The following TWNK variants were observed in gnomAD, a reference collection of about 807,000 sequenced individuals.
The protein encoded by TWNK is twinkle mtDNA helicase.
Under a neutral mutation model 58.2 loss-of-function variants are expected in TWNK, and 36 were observed. The ratio of observed to expected loss-of-function variants is 0.62; its 90% confidence interval spans 0.47 to 0.82. The LOEUF is 0.82. TWNK is among the 40% of genes least tolerant of loss of function. The pLI is 0.00. For missense variants in TWNK, 714 were observed against 881.0 expected, an observed-to-expected ratio of 0.81 and a Z score of 2.40; for synonymous variants, 349 against 348.5, an observed-to-expected ratio of 1.00 and a Z score of -0.02.
Position 100,988,192 on chromosome 10 carries a change from T to C in TWNK, c.-19T>C. 6.2e-7 allele frequency: 1 copy of C among 1,613,778 alleles called. No individual in the cohort carries two copies. Among genetic ancestry groups the C allele is most frequent in the Non-Finnish European group, 8.5e-7 (1 of 1,180,012 alleles). The stretch of plus-strand genomic sequence containing the variant: ...CACCTAAGGCATTTCAAGTAGTGAC[T>C]TCCCACATTTGGCTAGGAATGTGGG... On this transcript the variant is annotated 5_prime_UTR_variant, in exon 1 of 5. Coordinates refer to ENST00000311916, the MANE Select transcript of TWNK (RefSeq NM_021830.5). The surrounding 1 kb of genome is among the most constrained non-coding windows in gnomAD (Gnocchi z 5.2).
Position 100,988,516 on chromosome 10 carries a change from C to T in TWNK, c.306C>T (p.Leu102=). 6.2e-7 allele frequency: 1 copy of T among 1,614,236 alleles called. No individual in the cohort carries two copies. The highest frequency in any genetic ancestry group is 8.5e-7 in the Non-Finnish European group (1 of 1,180,056). ...CTGGTGTTACCACTTCCTTCAGCCT[C>T]TTCATTGACAAGACCACAGGCCACT... ...GQTGVTTSFS[L]FIDKTTGHFL... The change falls in exon 1 of 5, where the codon CTC becomes CTT. Residue 102 remains leucine (L), a synonymous_variant. Coordinates refer to ENST00000311916, the MANE Select transcript of TWNK (RefSeq NM_021830.5). This position sits in a 1 kb window ranked among gnomAD's most constrained non-coding sequence, Gnocchi z 5.2.
At position 100,989,288 on chromosome 10, in the gene TWNK, C is replaced by T. The variant is rs1851695996; in HGVS notation, c.1078C>T (p.Leu360=). ...FNLSRILRTA[L]PAWHKSIVSF... Reference sequence around the variant, plus strand: ...TCTTTCTCGTATTCTTCGTACCGCCCTGCCTGCCTGGCACAAGTCCATCGT... The same window carrying T: ...TCTTTCTCGTATTCTTCGTACCGCCTTGCCTGCCTGGCACAAGTCCATCGT... The change falls in exon 1 of 5, where the codon CTG becomes TTG. Residue 360 remains leucine (L), a synonymous_variant. Transcript: ENST00000311916. This position sits in a 1 kb window ranked among gnomAD's most constrained non-coding sequence, Gnocchi z 7.6. 2 of 1,614,044 alleles carry T rather than the reference C, an allele frequency of 1.2e-6. No homozygotes were observed. Among genetic ancestry groups the T allele is most frequent in the Non-Finnish European group, 1.7e-6 (2 of 1,180,054 alleles).
chr10:100,987,634 G>C lies in TWNK; in HGVS notation c.-577G>C. On this transcript the variant is annotated 5_prime_UTR_variant, in exon 1 of 5. Transcript: ENST00000311916. ...AAGTGGTAACCTGGGGCTGGGGGCC[G>C]GCGCGGCGGAGCTCGGAGTAGTAGA... The C allele has an allele frequency of 3.8e-6, 3 of 786,776 alleles. No individual in the cohort carries two copies. The highest frequency in any genetic ancestry group is 3.9e-6 in the Non-Finnish European group (2 of 507,770). The allele number at this position is 786,776 out of a possible 1,614,324, so 48.7% of individuals were successfully genotyped here.
chr10:100,991,074 G>A (rs1241828771), intron 4 of TWNK, 64 bp downstream of exon 4: 3 of 1,608,926 alleles, frequency 1.9e-6, no homozygotes, highest in Admixed American at 3.3e-5. Flanking sequence ...ACCAGGGACA[G>A]CCCTCATTCA....
chr10:100,989,499 C>A lies in TWNK; in HGVS notation c.1243+46C>A. On this transcript the variant is annotated intron_variant, in intron 1 of 4. Coordinates refer to ENST00000311916, the MANE Select transcript of TWNK (RefSeq NM_021830.5). The surrounding 1 kb of genome is among the most constrained non-coding windows in gnomAD (Gnocchi z 7.6). ...TACTTAGAGTAAAGGGGCAGAAGAT[C>A]AGGTGACAAAAGCAAGTGGGTTTGG... The A allele has an allele frequency of 6.2e-7, 1 of 1,611,174 alleles. No homozygotes were observed. The highest frequency in any genetic ancestry group is 8.5e-7 in the Non-Finnish European group (1 of 1,179,570).
intron 3 of TWNK, 160 bp downstream of exon 3, chr10:100,990,703 G>T: frequency 6.3e-7 from 1 of 1,589,868 alleles, no homozygotes; most frequent in Non-Finnish European, 8.6e-7. Flanking sequence ...GAGGTGTGGG[G>T]TATGGCAGCA....
Position 100,990,915 on chromosome 10 carries a change from A to G in TWNK, c.1639A>G (p.Thr547Ala). Reference protein sequence around the residue: ...YIIGVFRKFATDNNCHVTLVI... With the variant: ...YIIGVFRKFAADNNCHVTLVI... Reference sequence around the variant, plus strand: ...CATCGGGGTCTTTCGGAAGTTTGCAACAGACAATAACTGCCATGTGACACT... The same window carrying G: ...CATCGGGGTCTTTCGGAAGTTTGCAGCAGACAATAACTGCCATGTGACACT... Residue 547 changes from threonine (T) to alanine (A), a missense_variant, in exon 4 of 5, where the codon ACA becomes GCA. Transcript: ENST00000311916. The G allele has an allele frequency of 1.2e-6, 2 of 1,614,262 alleles. No homozygotes were observed. Among genetic ancestry groups the G allele is most frequent in the South Asian group, 1.1e-5 (1 of 91,090 alleles).
Position 100,987,883 on chromosome 10 carries a change from GA to G in TWNK, c.-327del. 1 of 599,742 alleles carries G rather than the reference GA, an allele frequency of 1.7e-6. No individual in the cohort carries two copies. 37.2% of individuals were successfully genotyped at this position (599,742 alleles called of 1,614,324 possible). On this transcript the variant is annotated 5_prime_UTR_variant, in exon 1 of 5. An upstream open reading frame in the 5' UTR loses its in-frame stop. Coordinates refer to ENST00000311916, the MANE Select transcript of TWNK (RefSeq NM_021830.5). Reference sequence around the variant, plus strand: ...GATGCTGTGGAGGAGCAGTAGAGGTGAGAAGATGATGCAAAGAAACTGTGTC... The same window carrying G: ...GATGCTGTGGAGGAGCAGTAGAGGTGGAAGATGATGCAAAGAAACTGTGTC...
rs1554887222 is a variant in TWNK at position 100,989,791 on chromosome 10, T to C, written c.1391T>C (p.Leu464Pro). 6.2e-7 allele frequency: 1 copy of C among 1,614,214 alleles called. No homozygotes were observed. The highest frequency in any genetic ancestry group is 2.2e-5 in the East Asian group (1 of 44,888). Reference protein sequence around the residue: ...VMLTQFAEGRLEDQLDKYDHW... With the variant: ...VMLTQFAEGRPEDQLDKYDHW... ...CTGACACAGTTTGCCGAGGGGCGGC[T>C]GGAAGATCAACTGGACAAATATGAT... The change falls in exon 2 of 5, where the codon CTG becomes CCG. Residue 464 changes from leucine to proline, a missense_variant. Coordinates refer to ENST00000311916, the MANE Select transcript of TWNK (RefSeq NM_021830.5). The surrounding 1 kb of genome is among the most constrained non-coding windows in gnomAD (Gnocchi z 7.6).
chr10:100,989,677 G>A lies in TWNK; in HGVS notation c.1277G>A (p.Ser426Asn). ...PTGSGKTTFI[S>N]EYALDLCSQG... Reference sequence around the variant, plus strand: ...GGCAGTGGAAAGACGACATTCATCAGTGAGTATGCCCTGGATTTGTGTTCC... The same window carrying A: ...GGCAGTGGAAAGACGACATTCATCAATGAGTATGCCCTGGATTTGTGTTCC... Residue 426 changes from serine (S) to asparagine (N), a missense_variant, in exon 2 of 5, where the codon AGT (serine) becomes AAT (asparagine). Around this residue, in one of 3 missense-constraint regions of TWNK, gnomAD observed 302 missense variants for 438.6 expected, o/e 0.69. Transcript: ENST00000311916. This position sits in a 1 kb window ranked among gnomAD's most constrained non-coding sequence, Gnocchi z 7.6. 6.2e-7 allele frequency: 1 copy of A among 1,614,234 alleles called. No homozygotes were observed. Among genetic ancestry groups the A allele is most frequent in the Non-Finnish European group, 8.5e-7 (1 of 1,180,048 alleles).
In TWNK at chr10:100,990,963, G is replaced by A. The variant is rs1851755202; in HGVS notation, c.1687G>A (p.Asp563Asn). ...ACTGGTCATTCACCCCCGGAAAGAGGATGATGACAAGGAACTGCAGACAGC... is the reference window on the plus strand; with the variant it reads ...ACTGGTCATTCACCCCCGGAAAGAGAATGATGACAAGGAACTGCAGACAGC... ...VTLVIHPRKE[D>N]DDKELQTASI... is the part of the protein sequence containing the mutation. The change falls in exon 4 of 5, where the codon GAT becomes AAT. Residue 563 changes from aspartate to asparagine, a missense_variant. Coordinates refer to ENST00000311916, the MANE Select transcript of TWNK (RefSeq NM_021830.5). 6.2e-7 allele frequency: 1 copy of A among 1,614,256 alleles called. No individual in the cohort carries two copies. Among genetic ancestry groups the A allele is most frequent in the Non-Finnish European group, 8.5e-7 (1 of 1,180,054 alleles).
rs753771623 is a variant in TWNK, at chr10:100,989,611, C to G, written c.1244-33C>G. Reference sequence around the variant, plus strand: ...GTCTTGGTTTCAAGGGTAGGACTTCCTCCTCACCCAGGTCTGTTCCACCCC... The same window carrying G: ...GTCTTGGTTTCAAGGGTAGGACTTCGTCCTCACCCAGGTCTGTTCCACCCC... On this transcript the variant is annotated intron_variant, in intron 1 of 4. Coordinates refer to ENST00000311916, the MANE Select transcript of TWNK (RefSeq NM_021830.5). This position sits in a 1 kb window ranked among gnomAD's most constrained non-coding sequence, Gnocchi z 7.6. 1.2e-6 allele frequency: 2 copies of G among 1,613,568 alleles called. No individual in the cohort carries two copies. Among genetic ancestry groups the G allele is most frequent in the South Asian group, 2.2e-5 (2 of 91,010 alleles).
At chr10:100,990,133 C>T (rs563210241) in intron 2 of TWNK, among the ~76,000 whole-genome samples, 22 of 152,014 alleles carry the variant, frequency 1.4e-4, no homozygotes, top group African/African-American at 4.8e-4. Flanking sequence ...GGGAGACCAC[C>T]CCTCTCTATA....
chr10:100,987,716 G>T lies in TWNK; in HGVS notation c.-495G>T, dbSNP rs977721609. 25 of 589,724 alleles carry T rather than the reference G, an allele frequency of 4.2e-5. No individual in the cohort carries two copies. In the African/African-American group the frequency reaches 4.6e-4, roughly 11 times the overall value. The allele number at this position is 589,724 out of a possible 1,614,324, so 36.5% of individuals were successfully genotyped here. A position where few individuals can be genotyped will look rare whatever the true frequency, so the allele number is the denominator to read the frequency against. ...TGGCATTCCTTTGGGCCGGGGGATT[G>T]GCGGGAGTCGTGCTGGGTGCTCTCG... On this transcript the variant is annotated 5_prime_UTR_variant, in exon 1 of 5. Transcript: ENST00000311916.
chr10:100,988,065 A>G lies in TWNK; in HGVS notation c.-146A>G. ...AAGCAGCAACGTAGAGGGGCTGAAG[A>G]GGAGAAATTCATGGAGAGAAAGAAT... On this transcript the variant is annotated 5_prime_UTR_variant, in exon 1 of 5. Transcript: ENST00000311916. The surrounding 1 kb of genome is among the most constrained non-coding windows in gnomAD (Gnocchi z 5.2). The G allele has an allele frequency of 1.0e-6, 1 of 956,022 alleles. No homozygotes were observed. Among genetic ancestry groups the G allele is most frequent in the Non-Finnish European group, 1.7e-6 (1 of 595,542 alleles). The allele number at this position is 956,022 out of a possible 1,614,324, so 59.2% of individuals were successfully genotyped here.
chr10:100,987,593 GA>G lies in TWNK; in HGVS notation c.-616del. ...TGTGCGGGAGACTCACGTTGCCGGC[GA>G]AGTGGGAGAGAGAAAAGTGGTAACC... is the stretch of plus-strand genomic sequence containing the variant. On this transcript the variant is annotated 5_prime_UTR_variant, in exon 1 of 5. The change abolishes the stop of an existing upstream ORF in the 5' untranslated region. Transcript: ENST00000311916. 1.7e-6 allele frequency: 2 copies of G among 1,208,988 alleles called. No individual in the cohort carries two copies. Among genetic ancestry groups the G allele is most frequent in the South Asian group, 3.2e-5 (2 of 63,476 alleles). The allele number at this position is 1,208,988 out of a possible 1,614,324, so 74.9% of individuals were successfully genotyped here.
chr10:100,990,035 G>A (rs1851726575), intron 2 of TWNK, 151 bp downstream of exon 2: 1 of 1,160,776 alleles, frequency 8.6e-7, no homozygotes. Context: ...TGGACACACT[G>A]GCTCACGCCT....
At chr10:100,993,087 C>G in intron 4 of TWNK, 103 bp from the exon 5 acceptor site, 1 of 1,248,804 alleles carries the variant, frequency 8.0e-7, no homozygotes, top group Non-Finnish European at 1.2e-6. Flanking sequence ...TACCCAGCCC[C>G]TCTCCCCATT....
chr10:100,988,477 G>A lies in TWNK; in HGVS notation c.267G>A (p.Gln89=). 1 of 1,614,258 alleles carries A rather than the reference G, an allele frequency of 6.2e-7. No homozygotes were observed. Among genetic ancestry groups the A allele is most frequent in the Non-Finnish European group, 8.5e-7 (1 of 1,180,058 alleles). The change falls in exon 1 of 5, where the codon CAG becomes CAA. Residue 89 remains glutamine (Q), a synonymous_variant. Transcript: ENST00000311916. The surrounding 1 kb of genome is among the most constrained non-coding windows in gnomAD (Gnocchi z 5.2). The part of the protein sequence containing the change: ...RALSPFAESS[Q]LKGQTGVTTS... ...TGAGCCCCTTTGCAGAGTCTTCACA[G>A]CTCAAAGGCCAGACTGGTGTTACCA...
Sources: gnomAD v4.1 joint callset for allele counts (sites outside exome capture counted in the v4.1 genomes callset) on GRCh38, gnomAD v4.1.1 for gene constraint, gnomAD v4.1.1 regional missense constraint, Gnocchi (gnomAD v3.1) non-coding constraint, MANE v1.5 for transcripts, NCBI Gene and HGNC (gene_info 2026-07-23, HGNC 2026-07-21) for gene names.